The following TMEM236 variants were observed in gnomAD, a reference collection of about 807,000 sequenced individuals.
TMEM236 encodes transmembrane protein 236.
In TMEM236, 11 loss-of-function variants were observed where a neutral mutation model predicts 14.7. The observed-to-expected ratio is 0.75, with a 90% CI of 0.47 to 1.24. The LOEUF is 1.24. Among genes scored for constraint, TMEM236 ranks in the 50% most tolerant of loss-of-function variants. The pLI is 0.00. For missense variants in TMEM236, 464 were observed against 427.3 expected (o/e 1.09, Z -0.76); for synonymous variants, 182 against 168.6 (o/e 1.08, Z -0.62).
chr10:17,752,358 C>T lies in TMEM236; in HGVS notation c.63C>T (p.Ser21=). 3.1e-6 allele frequency: 5 copies of T among 1,613,838 alleles called. No individual in the cohort carries two copies. Among genetic ancestry groups the T allele is most frequent in the Non-Finnish European group, 4.2e-6 (5 of 1,179,862 alleles). Residue 21 remains serine (S), a synonymous_variant, in exon 1 of 4, where the codon TCC becomes TCT. Transcript: ENST00000377495. ...VFELLEFAAF[S]IPTLVITEQF... The stretch of plus-strand genomic sequence containing the variant: ...AGCTCCTAGAGTTTGCCGCTTTCTC[C>T]ATCCCCACACTCGTGATCACAGAAC...
chr10:17,757,513 C>A (rs1837300754), intron 1 of TMEM236, among the ~76,000 whole-genome samples: 1 of 151,154 alleles, frequency 6.6e-6, no homozygotes, highest in Non-Finnish European at 1.5e-5. Context: ...GGGGGACGAT[C>A]ACTTGAGCCC....
intron 1 of TMEM236, among the ~76,000 whole-genome samples, chr10:17,763,895 C>G (rs899635528): frequency 6.6e-6 from 1 of 151,736 alleles, no homozygotes; most frequent in African/African-American, 2.4e-5. Flanking sequence ...ATTAATTCAG[C>G]CTTCAACCTC....
intron 1 of TMEM236, among the ~76,000 whole-genome samples, chr10:17,757,852 T>C (rs1837305036): frequency 6.6e-6 from 1 of 152,102 alleles, no homozygotes; most frequent in Non-Finnish European, 1.5e-5. Flanking sequence ...CACTGCAACC[T>C]CCACCTCTGG....
Position 17,798,980 on chromosome 10 carries a change from G to A in TMEM236, c.*2476G>A. ...ATAATCATTTCAACTTTGCATTTGT[G>A]AAAAATAATACATACAATCTTAAGG... On this transcript the variant is annotated 3_prime_UTR_variant, in exon 4 of 4. Transcript: ENST00000377495. 3.2e-6 allele frequency: 1 copy of A among 311,064 alleles called. No homozygotes were observed. Among genetic ancestry groups the A allele is most frequent in the Non-Finnish European group, 6.2e-6 (1 of 160,996 alleles). The allele number at this position is 311,064 out of a possible 1,614,324, so 19.3% of individuals were successfully genotyped here.
At chr10:17,793,850 G>T (rs1452603460) in intron 3 of TMEM236, among the ~76,000 whole-genome samples, 2 of 152,188 alleles carry the variant, frequency 1.3e-5, no homozygotes, top group East Asian at 3.8e-4. Context: ...TTTAAAAAGA[G>T]ATGGTTTTAT....
rs1194717724 is a variant in TMEM236, at chr10:17,779,495, T to C, written c.472+3325T>C. On this transcript the variant is annotated intron_variant, in intron 3 of 3. Transcript: ENST00000377495. ...TTTAATTAATTAGTTAATTAATTAATTTTTTGAGACAGAGTCTTGATCCTC... is the reference window on the plus strand; with the variant it reads ...TTTAATTAATTAGTTAATTAATTAACTTTTTGAGACAGAGTCTTGATCCTC... 1.3e-4 allele frequency among the ~76,000 whole-genome samples: 20 copies of C among 152,242 alleles called. 2 individuals are homozygous for C. The highest frequency in any genetic ancestry group is 4.3e-4 in the African/African-American group (18 of 41,538).
intron 3 of TMEM236, among the ~76,000 whole-genome samples, chr10:17,782,841 C>T (rs993917300): frequency 2.6e-5 from 4 of 152,108 alleles, no homozygotes; most frequent in African/African-American, 9.7e-5. Flanking sequence ...TCTAGCAGAT[C>T]CCCAGTTGTT....
intron 2 of TMEM236, among the ~76,000 whole-genome samples, chr10:17,775,021 G>A (rs1837637042): frequency 6.6e-6 from 1 of 151,982 alleles, no homozygotes; most frequent in Non-Finnish European, 1.5e-5. Flanking sequence ...GGCTGATCTC[G>A]AACTCCTGAC....
intron 1 of TMEM236, among the ~76,000 whole-genome samples, chr10:17,758,759 G>A (rs1316717646): frequency 1.3e-5 from 2 of 152,214 alleles, no homozygotes; most frequent in African/African-American, 4.8e-5. Context: ...TATATCCTGT[G>A]AGTAATATTC....
chr10:17,768,085 GGTTTTTT>G (rs1837500191), intron 1 of TMEM236, among the ~76,000 whole-genome samples: 2 of 98,830 alleles, frequency 2.0e-5, no homozygotes, highest in Admixed American at 1.1e-4. Context: ...TAATTTTTGT[GGTTTTTT>G]TTTTTTTTTT....
chr10:17,796,166 T>A lies in TMEM236; in HGVS notation c.718T>A (p.Trp240Arg). ...RRDVRAELFL[W>R]SFLLWSDTIE... is the part of the protein sequence containing the mutation. The stretch of plus-strand genomic sequence containing the variant: ...AGATGTCCGGGCAGAGTTATTCTTA[T>A]GGAGCTTTCTCCTGTGGTCTGACAC... Residue 240 changes from tryptophan to arginine, a missense_variant, in exon 4 of 4, where the codon TGG (tryptophan) becomes AGG (arginine). Physicochemically the swap from Trp to Arg is moderately radical, Grantham distance 101. Coordinates refer to ENST00000377495, the MANE Select transcript of TMEM236 (RefSeq NM_001098844.3). 2.5e-6 allele frequency: 4 copies of A among 1,613,964 alleles called. No homozygotes were observed. The highest frequency in any genetic ancestry group is 3.3e-5 in the Admixed American group (2 of 60,008).
At chr10:17,766,725 T>A (rs993993420) in intron 1 of TMEM236, among the ~76,000 whole-genome samples, 1 of 152,212 alleles carries the variant, frequency 6.6e-6, no homozygotes, top group Non-Finnish European at 1.5e-5. Context: ...CCTGGATGGC[T>A]TGAGCAACAG....
At chr10:17,795,114 G>A (rs1000114971) in intron 3 of TMEM236, among the ~76,000 whole-genome samples, 7 of 152,160 alleles carry the variant, frequency 4.6e-5, no homozygotes, top group Non-Finnish European at 5.9e-5. Context: ...GGTAATCTCT[G>A]TAAGCCTCTT....
rs1462987137 is a variant in TMEM236, at chr10:17,796,528, C to A, written c.*24C>A. 6 of 1,562,512 alleles carry A rather than the reference C, an allele frequency of 3.8e-6. No individual in the cohort carries two copies. The highest frequency in any genetic ancestry group is 2.2e-5 in the East Asian group (1 of 44,632). Reference sequence around the variant, plus strand: ...AAAAAGGAAATGGGATCTAGTAAGGCCTCTTTGTGATACCTGTGTGCACAT... The same window carrying A: ...AAAAAGGAAATGGGATCTAGTAAGGACTCTTTGTGATACCTGTGTGCACAT... On this transcript the variant is annotated 3_prime_UTR_variant, in exon 4 of 4. Transcript: ENST00000377495.
intron 1 of TMEM236, among the ~76,000 whole-genome samples, chr10:17,761,465 G>A (rs980888312): frequency 2.0e-5 from 3 of 152,200 alleles, no homozygotes; most frequent in Admixed American, 6.5e-5. Context: ...GGCCGAGGCG[G>A]ATGGATCACT....
chr10:17,771,517 A>C, intron 2 of TMEM236, 136 bp downstream of exon 2: 1 of 856,444 alleles, frequency 1.2e-6, no homozygotes, highest in South Asian at 1.4e-5. Flanking sequence ...GTTGCAATAT[A>C]TGTTATTTAA....
chr10:17,794,152 A>C (rs1043124581), intron 3 of TMEM236, among the ~76,000 whole-genome samples: 2,249 of 152,292 alleles, frequency 0.015, 54 homozygotes, highest in African/African-American at 0.052. Flanking sequence ...ACAAACTCCT[A>C]CTTACAGTAG....
In TMEM236 at chr10:17,797,609, A is replaced by C. The variant is rs1452440928; in HGVS notation, c.*1105A>C. The C allele has an allele frequency of 1.3e-5, 2 of 152,190 alleles. No individual in the cohort carries two copies. Among genetic ancestry groups the C allele is most frequent in the African/African-American group, 4.8e-5 (2 of 41,454 alleles). 9.4% of individuals were successfully genotyped at this position (152,190 alleles called of 1,614,324 possible). A position where few individuals can be genotyped will look rare whatever the true frequency, so the allele number is the denominator to read the frequency against. On this transcript the variant is annotated 3_prime_UTR_variant, in exon 4 of 4. Coordinates refer to ENST00000377495, the MANE Select transcript of TMEM236 (RefSeq NM_001098844.3). ...CGCCCGGCTGGATTATACTTTTTAA[A>C]AATTTGAAAATTGTAGTTTTAGGGG...
Position 17,771,390 on chromosome 10 carries a change from T to C in TMEM236, c.330+9T>C, listed in dbSNP as rs1554834810. 6.2e-7 allele frequency: 1 copy of C among 1,612,336 alleles called. No individual in the cohort carries two copies. Among genetic ancestry groups the C allele is most frequent in the Non-Finnish European group, 8.5e-7 (1 of 1,178,362 alleles). On this transcript the variant is annotated intron_variant, in intron 2 of 3. Coordinates refer to ENST00000377495, the MANE Select transcript of TMEM236 (RefSeq NM_001098844.3). ...CCATAGCAGTGACTGAGGTATGGAA[T>C]TTTTGATTTCTTCTGCTACAAGATT...
Sources: allele counts gnomAD v4.1 joint callset (sites outside exome capture counted in the v4.1 genomes callset), GRCh38; gene constraint gnomAD v4.1.1; transcripts MANE v1.5; gene names NCBI Gene and HGNC (gene_info 2026-07-23, HGNC 2026-07-21).